Variants in ALPK1 observed in about 807,000 individuals in gnomAD.
The protein encoded by ALPK1 is alpha kinase 1.
Under a neutral mutation model 120.6 loss-of-function variants are expected in ALPK1, and 110 were observed. The observed-to-expected ratio is 0.91, with a 90% CI of 0.78 to 1.07. The LOEUF (loss-of-function observed/expected upper bound fraction) is 1.07, where lower values mean the gene tolerates loss of function less well. Among genes scored for constraint, ALPK1 ranks in the 50% least tolerant of loss-of-function variants. ALPK1 has a pLI of 0.00. For missense variants in ALPK1, 1,498 were observed against 1,483.9 expected (o/e 1.01, Z -0.16); for synonymous variants, 582 against 560.3 (o/e 1.04, Z -0.55).
At chr4:112,438,949 G>A (rs763058778) in intron 13 of ALPK1, among the ~76,000 whole-genome samples, 25 of 152,140 alleles carry the variant, frequency 1.6e-4, no homozygotes, top group Non-Finnish European at 3.4e-4. Context: ...TCACTTTCAA[G>A]TAATCCTAAT....
chr4:112,382,805 T>G (rs1731986680), intron 4 of ALPK1: 1 of 419,620 alleles, frequency 2.4e-6, no homozygotes, highest in East Asian at 4.1e-5. Flanking sequence ...CCTGTCATCT[T>G]GAAATATTTA....
In ALPK1 at chr4:112,441,258, A is replaced by C. The variant is rs1440747957; in HGVS notation, c.*48A>C. Reference sequence around the variant, plus strand: ...TGGGGCTTGGGCAGGGCCGTGACACAGGTTCTGGCCAATGATTTGCAAGAG... The same window carrying C: ...TGGGGCTTGGGCAGGGCCGTGACACCGGTTCTGGCCAATGATTTGCAAGAG... On this transcript the variant is annotated 3_prime_UTR_variant, in exon 16 of 16. Coordinates refer to ENST00000650871, the MANE Select transcript of ALPK1 (RefSeq NM_025144.4). The C allele has an allele frequency of 8.9e-6, 11 of 1,240,922 alleles. 1 individual carries two copies. In the South Asian group the frequency reaches 1.3e-4, roughly 15 times the overall value. 76.9% of individuals were successfully genotyped at this position (1,240,922 alleles called of 1,614,324 possible).
At position 112,321,119 on chromosome 4, in the gene ALPK1, G is replaced by T. The variant is rs1445360489; in HGVS notation, c.-101+5267G>T. On this transcript the variant is annotated intron_variant, in intron 2 of 15. Coordinates refer to ENST00000650871, the MANE Select transcript of ALPK1 (RefSeq NM_025144.4). ...TCACCGTGTTAGCCAGGATGGTCTCGATCTCCCGACCTCATGATCCTCCCG... is the reference window on the plus strand; with the variant it reads ...TCACCGTGTTAGCCAGGATGGTCTCTATCTCCCGACCTCATGATCCTCCCG... 2.0e-5 allele frequency among the ~76,000 whole-genome samples: 3 copies of T among 151,482 alleles called. 1 individual carries two copies. The highest frequency in any genetic ancestry group is 4.2e-4 in the South Asian group (2 of 4,768).
intron 6 of ALPK1, among the ~76,000 whole-genome samples, chr4:112,424,275 A>G (rs1442985496): frequency 6.6e-6 from 1 of 152,106 alleles, no homozygotes; most frequent in African/African-American, 2.4e-5. Flanking sequence ...ATGAACAATC[A>G]CTGTCAAGGC....
intron 2 of ALPK1, among the ~76,000 whole-genome samples, chr4:112,337,753 TA>T (rs1234534428): frequency 6.6e-6 from 1 of 152,054 alleles, no homozygotes; most frequent in East Asian, 1.9e-4. Flanking sequence ...AGTGGCTCAA[TA>T]AAAAAATTTA....
Position 112,355,383 on chromosome 4 carries a change from C to T in ALPK1, c.-100-22295C>T, listed in dbSNP as rs74902413. Reference sequence around the variant, plus strand: ...CCACCCGGGCCAGTGGGGGAGACAGCGACACGAGCAGAAGCTGGACCGAGC... The same window carrying T: ...CCACCCGGGCCAGTGGGGGAGACAGTGACACGAGCAGAAGCTGGACCGAGC... On this transcript the variant is annotated intron_variant, in intron 2 of 15. Transcript: ENST00000650871. Among the ~76,000 whole-genome samples, 151 of 152,166 alleles carry T rather than the reference C, an allele frequency of 9.9e-4. 1 individual carries two copies. In the East Asian group the frequency reaches 0.023, roughly 23 times the overall value.
At chr4:112,320,626 C>CT (rs1351894766) in intron 2 of ALPK1, among the ~76,000 whole-genome samples, 1 of 152,074 alleles carries the variant, frequency 6.6e-6, no homozygotes, top group Non-Finnish European at 1.5e-5. Flanking sequence ...TACCATTCTT[C>CT]TTTAAATGTC....
At chr4:112,386,345 A>C (rs1732152334) in intron 4 of ALPK1, among the ~76,000 whole-genome samples, 1 of 152,212 alleles carries the variant, frequency 6.6e-6, no homozygotes, top group Non-Finnish European at 1.5e-5. Flanking sequence ...CTCTCCCAGA[A>C]AAAACACCTG....
chr4:112,376,377 C>T (rs1731661603), intron 2 of ALPK1, among the ~76,000 whole-genome samples: 1 of 152,058 alleles, frequency 6.6e-6, no homozygotes, highest in African/African-American at 2.4e-5. Context: ...GCAGTTCTAG[C>T]TCTGTAATGT....
At chr4:112,395,305 C>CT (rs1296007776) in intron 4 of ALPK1, among the ~76,000 whole-genome samples, 1 of 152,148 alleles carries the variant, frequency 6.6e-6, no homozygotes, top group African/African-American at 2.4e-5. Context: ...CACCTGCCTG[C>CT]TTCATAAAAC....
chr4:112,359,213 C>T (rs1450850053), intron 2 of ALPK1: 2 of 589,490 alleles, frequency 3.4e-6, no homozygotes, highest in African/African-American at 1.9e-5. Flanking sequence ...CTGGCAGCCA[C>T]CCACAGTGGG....
At chr4:112,432,649 G>T in intron 11 of ALPK1, 68 bp downstream of exon 11, 1 of 1,437,176 alleles carries the variant, frequency 7.0e-7, no homozygotes, top group Non-Finnish European at 9.5e-7. Flanking sequence ...TGAAGAGCTT[G>T]GTATGTAGAT....
At chr4:112,359,357 T>C (rs563010176) in intron 2 of ALPK1, 50 of 382,492 alleles carry the variant, frequency 1.3e-4, no homozygotes, top group African/African-American at 8.6e-4. Context: ...AGCAGGATGA[T>C]GACCTGGACA....
intron 4 of ALPK1, among the ~76,000 whole-genome samples, chr4:112,399,217 A>G (rs571065646): frequency 1.6e-3 from 244 of 152,314 alleles, no homozygotes; most frequent in African/African-American, 5.6e-3. Context: ...TTCCTTGTTC[A>G]GAGTTTGGGA....
At chr4:112,329,627 G>A (rs1033937552) in intron 2 of ALPK1, among the ~76,000 whole-genome samples, 2 of 152,204 alleles carry the variant, frequency 1.3e-5, no homozygotes, top group East Asian at 1.9e-4. Context: ...GGTTGATTTG[G>A]ATTTAAAGGC....
At chr4:112,403,300 A>G (rs1445164365) in intron 4 of ALPK1, among the ~76,000 whole-genome samples, 1 of 152,078 alleles carries the variant, frequency 6.6e-6, no homozygotes, top group Non-Finnish European at 1.5e-5. Flanking sequence ...CTTGGCAGCA[A>G]ATGAAAGTGG....
intron 1 of ALPK1, among the ~76,000 whole-genome samples, chr4:112,304,037 A>T (rs1727910793): frequency 6.6e-6 from 1 of 152,074 alleles, no homozygotes; most frequent in Admixed American, 6.5e-5. Flanking sequence ...GCTGAGAATG[A>T]TGGTTTCCAG....
At position 112,432,493 on chromosome 4, in the gene ALPK1, G is replaced by T; in HGVS notation, c.2946G>T (p.Lys982Asn). 1.2e-6 allele frequency: 2 copies of T among 1,614,184 alleles called. No individual in the cohort carries two copies. Among genetic ancestry groups the T allele is most frequent in the East Asian group, 4.5e-5 (2 of 44,880 alleles). Residue 982 changes from lysine (K) to asparagine (N), a missense_variant, in exon 11 of 16, where the codon AAG (lysine) becomes AAT (asparagine). Transcript: ENST00000650871. Reference sequence around the variant, plus strand: ...CCTTGCAACCTGATGACTTTGAAAAGCTGTTGGCAGGAGTGAGGCATGATT... The same window carrying T: ...CCTTGCAACCTGATGACTTTGAAAATCTGTTGGCAGGAGTGAGGCATGATT... ...ARTLQPDDFEKLLAGVRHDWL... is the reference protein window; with the variant it reads ...ARTLQPDDFENLLAGVRHDWL...
chr4:112,328,705 C>T (rs184201011), intron 2 of ALPK1, among the ~76,000 whole-genome samples: 3 of 152,284 alleles, frequency 2.0e-5, no homozygotes, highest in Non-Finnish European at 2.9e-5. Context: ...TAAAATTCTA[C>T]TTTGGAGGAC....
Sources: allele counts gnomAD v4.1 joint callset (sites outside exome capture counted in the v4.1 genomes callset), GRCh38; gene constraint gnomAD v4.1.1; transcripts MANE v1.5; gene names NCBI Gene and HGNC (gene_info 2026-07-23, HGNC 2026-07-21).